Variants in CDK7 observed in about 807,000 individuals in gnomAD.
The protein encoded by CDK7 is cyclin dependent kinase 7.
In CDK7, 25 loss-of-function variants were observed where a neutral mutation model predicts 49.1. That is an observed-to-expected ratio of 0.51 (90% CI 0.37 to 0.71). CDK7 has a LOEUF of 0.71. Among genes scored for constraint, CDK7 ranks in the 30% least tolerant of loss-of-function variants. CDK7 has a pLI of 0.00. For missense variants in CDK7, 316 were observed against 411.7 expected, an observed-to-expected ratio of 0.77 and a Z score of 2.01; for synonymous variants, 107 against 140.0, an observed-to-expected ratio of 0.76 and a Z score of 1.67.
intron 9 of CDK7, among the ~76,000 whole-genome samples, chr5:69,272,093 G>T (rs1361308914): frequency 3.9e-5 from 6 of 152,066 alleles, no homozygotes; most frequent in Admixed American, 3.3e-4. Flanking sequence ...ACCCAGCCAA[G>T]TTCAGATTTT....
chr5:69,239,124 A>G (rs1749200785), intron 2 of CDK7, among the ~76,000 whole-genome samples: 1 of 152,132 alleles, frequency 6.6e-6, no homozygotes, highest in South Asian at 2.1e-4. Context: ...TAATTGAAAC[A>G]AATTATGAAT....
chr5:69,250,972 C>T, intron 2 of CDK7: 1 of 443,688 alleles, frequency 2.3e-6, no homozygotes, highest in South Asian at 1.6e-5. Flanking sequence ...TTCTGTTGCC[C>T]AGGCTGGAAT....
At chr5:69,248,661 T>C (rs1188264020) in intron 2 of CDK7, among the ~76,000 whole-genome samples, 1 of 152,222 alleles carries the variant, frequency 6.6e-6, no homozygotes, top group Non-Finnish European at 1.5e-5. Context: ...GTGCTGGAAT[T>C]ACAGGTGTGA....
chr5:69,258,256 C>CT, intron 6 of CDK7, 103 bp downstream of exon 6: 1 of 585,098 alleles, frequency 1.7e-6, no homozygotes, highest in East Asian at 3.1e-5. Flanking sequence ...GAATTTATAG[C>CT]TGACTGTTTT....
At chr5:69,275,725 G>T (rs1752058452) in intron 10 of CDK7, among the ~76,000 whole-genome samples, 1 of 152,148 alleles carries the variant, frequency 6.6e-6, no homozygotes, top group African/African-American at 2.4e-5. Flanking sequence ...TGTAATCCTA[G>T]CTCTTAGGGA....
At chr5:69,238,226 T>C (rs1749131583) in intron 2 of CDK7, among the ~76,000 whole-genome samples, 2 of 152,108 alleles carry the variant, frequency 1.3e-5, no homozygotes, top group African/African-American at 4.8e-5. Flanking sequence ...CATTTTTCAG[T>C]GTGTGTCTTA....
At chr5:69,242,868 A>G (rs1749481612) in intron 2 of CDK7, among the ~76,000 whole-genome samples, 1 of 152,158 alleles carries the variant, frequency 6.6e-6, no homozygotes, top group South Asian at 2.1e-4. Context: ...CAACATGGGG[A>G]AACCCTGTCT....
Position 69,241,307 on chromosome 5 carries a change from G to GTTTTTTTTTTTTTTTTTT in CDK7, c.126+5860_126+5861insTTTTTTTTTTTTTTTTTT, listed in dbSNP as rs1749355577. ...TAGGTGAGATGCTCTCTCATTGTAG[G>GTTTTTTTTTTTTTTTTTT]TTTTTTCTTTTTTTTTTTTTTTTTT... On this transcript the variant is annotated intron_variant, in intron 2 of 11. Transcript: ENST00000256443. Among the ~76,000 whole-genome samples the GTTTTTTTTTTTTTTTTTT allele has an allele frequency of 3.5e-5, 4 of 112,944 alleles. 2 individuals are homozygous for GTTTTTTTTTTTTTTTTTT. Among genetic ancestry groups the GTTTTTTTTTTTTTTTTTT allele is most frequent in the Non-Finnish European group, 3.5e-5 (2 of 57,170 alleles). The allele number at this position is 112,944 out of a possible 152,430, so 74.1% of individuals were successfully genotyped here.
intron 7 of CDK7, among the ~76,000 whole-genome samples, chr5:69,261,342 CT>C (rs756982974): frequency 2.4e-4 from 37 of 152,146 alleles, no homozygotes; most frequent in Non-Finnish European, 2.9e-4. Flanking sequence ...TTTTCTCTGT[CT>C]GTAAATCAAA....
chr5:69,263,739 C>G (rs868172815), intron 8 of CDK7, among the ~76,000 whole-genome samples: 1 of 152,116 alleles, frequency 6.6e-6, no homozygotes, highest in South Asian at 2.1e-4. Flanking sequence ...TATCAACCAC[C>G]ACAATCCATT....
intron 2 of CDK7, among the ~76,000 whole-genome samples, chr5:69,244,785 C>A (rs1749626701): frequency 6.6e-6 from 1 of 151,986 alleles, no homozygotes; most frequent in African/African-American, 2.4e-5. Context: ...TAAAGGAAAT[C>A]AGTTTTTCCC....
chr5:69,241,791 T>A (rs533286202), intron 2 of CDK7, among the ~76,000 whole-genome samples: 1 of 152,364 alleles, frequency 6.6e-6, no homozygotes, highest in African/African-American at 2.4e-5. Context: ...TTTGAGCTTC[T>A]TATATATTCT....
At position 69,269,271 on chromosome 5, in the gene CDK7, C is replaced by T; in HGVS notation, c.692C>T (p.Thr231Ile). Residue 231 changes from threonine (T) to isoleucine (I), a missense_variant, in exon 9 of 12, where the codon ACA becomes ATA. Physicochemically the swap from Thr to Ile is moderately conservative, Grantham distance 89. Coordinates refer to ENST00000256443, the MANE Select transcript of CDK7 (RefSeq NM_001799.4). ...QLTRIFETLG[T>I]PTEEQWPDMC... ...ACAAGAATATTTGAAACTTTGGGCA[C>T]ACCAACTGAGGAACAGTGGCCGGTA... 6.2e-7 allele frequency: 1 copy of T among 1,611,062 alleles called. No individual in the cohort carries two copies. The highest frequency in any genetic ancestry group is 1.1e-5 in the South Asian group (1 of 90,252).
intron 6 of CDK7, among the ~76,000 whole-genome samples, chr5:69,259,278 A>G (rs1750676110): frequency 6.6e-6 from 1 of 152,198 alleles, no homozygotes; most frequent in Non-Finnish European, 1.5e-5. Context: ...TTCAGCTTTT[A>G]GAACAAAGCT....
intron 10 of CDK7, among the ~76,000 whole-genome samples, chr5:69,276,070 C>T (rs1477528661): frequency 6.6e-6 from 1 of 152,072 alleles, no homozygotes; most frequent in Non-Finnish European, 1.5e-5. Flanking sequence ...TGCTCTGTCG[C>T]CCAGGCTGGA....
intron 5 of CDK7, chr5:69,256,080 A>C (rs1387034098): frequency 6.5e-6 from 1 of 153,938 alleles, no homozygotes; most frequent in Admixed American, 6.5e-5. Context: ...TCAGCCTCCC[A>C]AAGTGCTAGG....
At chr5:69,257,675 T>G (rs1750574599) in intron 5 of CDK7, among the ~76,000 whole-genome samples, 1 of 152,222 alleles carries the variant, frequency 6.6e-6, no homozygotes, top group African/African-American at 2.4e-5. Context: ...CTGGGTCATG[T>G]GCCTACCTCT....
intron 2 of CDK7, among the ~76,000 whole-genome samples, chr5:69,247,129 G>A (rs190687078): frequency 3.3e-4 from 50 of 152,252 alleles, no homozygotes; most frequent in South Asian, 1.0e-3. Context: ...TCTGTAGTGC[G>A]GATTAAGTCC....
At chr5:69,257,811 T>A (rs1750581471) in intron 5 of CDK7, among the ~76,000 whole-genome samples, 1 of 152,224 alleles carries the variant, frequency 6.6e-6, no homozygotes, top group African/African-American at 2.4e-5. Flanking sequence ...TGTTTGCTAC[T>A]TTCATGCGAA....
Sources: allele counts gnomAD v4.1 joint callset (sites outside exome capture counted in the v4.1 genomes callset), GRCh38; gene constraint gnomAD v4.1.1; transcripts MANE v1.5; gene names NCBI Gene and HGNC (gene_info 2026-07-23, HGNC 2026-07-21).